The following SMOC1 variants were observed in gnomAD, a reference collection of about 807,000 sequenced individuals.
SMOC1 encodes SPARC related modular calcium binding 1.
Under a neutral mutation model 56.3 loss-of-function variants are expected in SMOC1, and 22 were observed. That is an observed-to-expected ratio of 0.39 (90% confidence interval 0.28 to 0.56). SMOC1 has a LOEUF of 0.56. Ranked by LOEUF, SMOC1 falls within the 20% of genes least tolerant of loss-of-function variation. The pLI, the probability that SMOC1 is intolerant of heterozygous loss-of-function variation, is 0.61. For missense variants in SMOC1, 509 were observed against 565.4 expected, an observed-to-expected ratio of 0.90 and a Z score of 1.01; for synonymous variants, 193 against 215.0, an observed-to-expected ratio of 0.90 and a Z score of 0.89.
intron 3 of SMOC1, 66 bp from the exon 4 acceptor site, chr14:69,975,649 T>G: frequency 1.4e-5 from 16 of 1,121,710 alleles, no homozygotes; most frequent in African/African-American, 3.1e-5. Context: ...TGAAAGGGGT[T>G]GGAGATGAGT....
At chr14:69,911,404 C>T (rs560443422) in intron 1 of SMOC1, among the ~76,000 whole-genome samples, 3 of 152,164 alleles carry the variant, frequency 2.0e-5, no homozygotes, top group Non-Finnish European at 4.4e-5. Flanking sequence ...TTTTGGTGAA[C>T]AGTTACATGA....
intron 1 of SMOC1, among the ~76,000 whole-genome samples, chr14:69,922,317 T>G (rs1643886164): frequency 1.3e-5 from 2 of 151,436 alleles, no homozygotes; most frequent in African/African-American, 4.9e-5. Flanking sequence ...TGTTATCTGC[T>G]TTTTTTGCCT....
intron 11 of SMOC1, among the ~76,000 whole-genome samples, chr14:70,029,818 G>T (rs1273328585): frequency 6.6e-6 from 1 of 152,146 alleles, no homozygotes; most frequent in Non-Finnish European, 1.5e-5. Context: ...GGACACGAGA[G>T]AACTATTGGG....
At chr14:69,985,924 T>C (rs1413077869) in intron 5 of SMOC1, among the ~76,000 whole-genome samples, 2 of 152,202 alleles carry the variant, frequency 1.3e-5, no homozygotes, top group East Asian at 3.8e-4. Flanking sequence ...TAAACCTTTA[T>C]CATAGGTATG....
chr14:69,913,020 C>CT (rs1257561359), intron 1 of SMOC1, among the ~76,000 whole-genome samples: 1 of 152,164 alleles, frequency 6.6e-6, no homozygotes, highest in Non-Finnish European at 1.5e-5. Flanking sequence ...GGAACGATGG[C>CT]TAATGGCTGG....
intron 3 of SMOC1, among the ~76,000 whole-genome samples, chr14:69,973,182 C>T (rs766488670): frequency 6.6e-6 from 1 of 152,236 alleles, no homozygotes; most frequent in African/African-American, 2.4e-5. Context: ...ACATTTCCAG[C>T]AGCATTTCCC....
intron 1 of SMOC1, among the ~76,000 whole-genome samples, chr14:69,945,255 G>A (rs1234631211): frequency 6.6e-6 from 1 of 152,162 alleles, no homozygotes; most frequent in African/African-American, 2.4e-5. Context: ...GTATATCGAG[G>A]GTTTTGATAG....
intron 3 of SMOC1, among the ~76,000 whole-genome samples, chr14:69,960,186 C>G (rs1566689088): frequency 6.6e-6 from 1 of 152,178 alleles, no homozygotes; most frequent in Non-Finnish European, 1.5e-5. Context: ...TTTGTCCTAT[C>G]TTTGATGAGC....
At chr14:69,975,297 C>A (rs1883908158) in intron 3 of SMOC1, among the ~76,000 whole-genome samples, 1 of 152,148 alleles carries the variant, frequency 6.6e-6, no homozygotes, top group Admixed American at 6.5e-5. Flanking sequence ...GAGCTGAGAT[C>A]ATGCCACTGC....
chr14:70,001,012 G>A (rs989370693), intron 7 of SMOC1, among the ~76,000 whole-genome samples: 4 of 152,156 alleles, frequency 2.6e-5, no homozygotes, highest in African/African-American at 7.2e-5. Flanking sequence ...TAGCAGGGCT[G>A]TGGAAAGAGG....
At chr14:69,993,103 G>T (rs937544560) in intron 6 of SMOC1, among the ~76,000 whole-genome samples, 1 of 152,184 alleles carries the variant, frequency 6.6e-6, no homozygotes, top group Non-Finnish European at 1.5e-5. Flanking sequence ...GGACAAGAGG[G>T]GAATGAGGTA....
chr14:69,962,856 C>T (rs1261980428), intron 3 of SMOC1, among the ~76,000 whole-genome samples: 2 of 152,140 alleles, frequency 1.3e-5, no homozygotes, highest in Non-Finnish European at 2.9e-5. Context: ...GGATTACAGG[C>T]GTGAGCCACT....
intron 7 of SMOC1, among the ~76,000 whole-genome samples, chr14:70,002,655 G>A (rs368559624): frequency 1.3e-5 from 2 of 152,344 alleles, no homozygotes; most frequent in East Asian, 3.9e-4. Context: ...GAAAGCCATG[G>A]TAGCAGGGCA....
intron 1 of SMOC1, among the ~76,000 whole-genome samples, chr14:69,895,077 A>G (rs975197585): frequency 3.3e-5 from 5 of 152,228 alleles, no homozygotes; most frequent in African/African-American, 9.7e-5. Flanking sequence ...AAGTGGCACA[A>G]TTCCAGCTAT....
intron 1 of SMOC1, among the ~76,000 whole-genome samples, chr14:69,892,234 G>A (rs1470120445): frequency 6.6e-6 from 1 of 152,216 alleles, no homozygotes; most frequent in African/African-American, 2.4e-5. Flanking sequence ...GGTTGCACAA[G>A]CAGCAACAAA....
chr14:69,924,324 A>G (rs933195253), intron 1 of SMOC1, among the ~76,000 whole-genome samples: 2 of 152,166 alleles, frequency 1.3e-5, no homozygotes, highest in Admixed American at 1.3e-4. Flanking sequence ...GCTAATTAAC[A>G]TATGCGTGAC....
chr14:69,947,486 A>G (rs373283512), intron 1 of SMOC1, among the ~76,000 whole-genome samples: 7 of 152,274 alleles, frequency 4.6e-5, no homozygotes, highest in African/African-American at 1.7e-4. Context: ...ATTTCTTCAT[A>G]GCAATGCAAG....
Position 70,010,802 on chromosome 14 carries a change from C to G in SMOC1, c.713C>G (p.Ala238Gly). Reference protein sequence around the residue: ...DQERQSALEEAQQNPREGIVI... With the variant: ...DQERQSALEEGQQNPREGIVI... ...GAGAGGCAGAGTGCCCTGGAAGAGGCCCAGCAGAATCCCCGTGAGGGTATT... is the reference window on the plus strand; with the variant it reads ...GAGAGGCAGAGTGCCCTGGAAGAGGGCCAGCAGAATCCCCGTGAGGGTATT... Residue 238 changes from alanine (A) to glycine (G), a missense_variant, in exon 8 of 12, where the codon GCC becomes GGC. Physicochemically the swap from Ala to Gly is moderately conservative, Grantham distance 60. This residue lies in a region of SMOC1 where 315 missense variants were observed against 333.1 expected (regional missense o/e 0.95). Transcript: ENST00000361956. The G allele has an allele frequency of 4.3e-6, 7 of 1,614,202 alleles. No individual in the cohort carries two copies. Among genetic ancestry groups the G allele is most frequent in the Non-Finnish European group, 5.1e-6 (6 of 1,180,032 alleles).
intron 3 of SMOC1, 144 bp downstream of exon 3, chr14:69,953,676 TC>T: frequency 1.4e-6 from 1 of 740,416 alleles, no homozygotes; most frequent in Admixed American, 2.0e-5. Context: ...TGTGCTGCCT[TC>T]CCCCTCTCTG....
Sources: gnomAD v4.1 joint callset for allele counts (sites outside exome capture counted in the v4.1 genomes callset) on GRCh38, gnomAD v4.1.1 for gene constraint, gnomAD v4.1.1 regional missense constraint, MANE v1.5 for transcripts, NCBI Gene and HGNC (gene_info 2026-07-23, HGNC 2026-07-21) for gene names.